Variants in IPO5 observed in about 807,000 individuals in gnomAD.
IPO5 encodes the protein importin 5.
IPO5 carries 18 observed loss-of-function variants against 143.3 expected under a neutral mutation model. That is an observed-to-expected ratio of 0.13 (90% CI 0.09 to 0.19). The LOEUF (loss-of-function observed/expected upper bound fraction) is 0.19. Among genes scored for constraint, IPO5 ranks in the 10% least tolerant of loss-of-function variants. The pLI is 1.00. For missense variants in IPO5, 1,013 were observed against 1,336.9 expected (o/e 0.76, Z 3.78); for synonymous variants, 477 against 465.7 (o/e 1.02, Z -0.31).
intron 4 of IPO5, among the ~76,000 whole-genome samples, chr13:97,980,507 ATT>A (rs1886749916): frequency 6.6e-6 from 1 of 152,162 alleles, no homozygotes; most frequent in South Asian, 2.1e-4. Context: ...CAGGATTTAT[ATT>A]AGGTTTTCTG....
At chr13:97,989,287 G>A in intron 7 of IPO5, 123 bp downstream of exon 7, 1 of 528,716 alleles carries the variant, frequency 1.9e-6, no homozygotes, top group Non-Finnish European at 3.2e-6. Context: ...CTTTACATAA[G>A]TTTTGTTTGT....
At chr13:98,004,760 A>C (rs1269165852) in intron 16 of IPO5, among the ~76,000 whole-genome samples, 6 of 152,160 alleles carry the variant, frequency 3.9e-5, no homozygotes, top group Admixed American at 3.9e-4. Flanking sequence ...CTTTCTCAAG[A>C]CATAGTTGAA....
chr13:97,995,639 C>T (rs1403502438), intron 11 of IPO5, among the ~76,000 whole-genome samples: 1 of 151,398 alleles, frequency 6.6e-6, no homozygotes, highest in Non-Finnish European at 1.5e-5. Flanking sequence ...GCCTGTAGTC[C>T]CAGCTTCTCG....
At chr13:97,974,309 CT>C (rs200747505) in intron 3 of IPO5, among the ~76,000 whole-genome samples, 290 of 138,996 alleles carry the variant, frequency 2.1e-3, no homozygotes, top group Middle Eastern at 3.7e-3. Context: ...GTCTGAAATT[CT>C]TTTTTTTTTT....
At chr13:97,988,250 C>G (rs1887536695) in intron 6 of IPO5, 1 of 153,782 alleles carries the variant, frequency 6.5e-6, no homozygotes, top group Non-Finnish European at 1.4e-5. Flanking sequence ...TAATAACATC[C>G]TCTGGCACTA....
At chr13:97,961,493 A>G (rs1013316969) in intron 2 of IPO5, among the ~76,000 whole-genome samples, 4 of 152,198 alleles carry the variant, frequency 2.6e-5, no homozygotes, top group Non-Finnish European at 4.4e-5. Context: ...CACCACACCC[A>G]GCTTATTCAG....
At chr13:97,977,036 C>A in intron 4 of IPO5, 1 of 203,264 alleles carries the variant, frequency 4.9e-6, no homozygotes, top group Non-Finnish European at 1.1e-5. Context: ...CGTGCGGCCG[C>A]TCCCGACGCG....
intron 25 of IPO5, among the ~76,000 whole-genome samples, chr13:98,017,350 CAAGA>C (rs1454345558): frequency 6.6e-6 from 1 of 151,330 alleles, no homozygotes; most frequent in African/African-American, 2.4e-5. Context: ...TTGTTTTTCT[CAAGA>C]TGGAGTCTTG....
chr13:98,000,463 G>A, intron 12 of IPO5, 76 bp from the exon 13 acceptor site: 1 of 911,572 alleles, frequency 1.1e-6, no homozygotes, highest in Non-Finnish European at 1.8e-6. Context: ...AATATGGTTA[G>A]AAGTATGTCT....
chr13:98,015,117 A>T (rs1036261942), intron 22 of IPO5, among the ~76,000 whole-genome samples: 4 of 152,076 alleles, frequency 2.6e-5, no homozygotes, highest in African/African-American at 9.7e-5. Context: ...GATTTTCCAA[A>T]GACAGCATGC....
Position 98,015,733 on chromosome 13 carries a change from A to G in IPO5, c.2445A>G (p.Arg815=). 6.2e-7 allele frequency: 1 copy of G among 1,610,954 alleles called. No individual in the cohort carries two copies. Among genetic ancestry groups the G allele is most frequent in the Non-Finnish European group, 8.5e-7 (1 of 1,177,838 alleles). ...TATTTGGGTGTGTTTTAGTTAAAAG[A>G]CAAGATGAAGACTATGATGAACAGG... ...FKNQELRQVK[R]QDEDYDEQVE... The change falls in exon 24 of 29, where the codon AGA becomes AGG. Residue 815 remains arginine (R), a synonymous_variant. Coordinates refer to ENST00000651721, the MANE Select transcript of IPO5 (RefSeq NM_002271.6).
chr13:97,999,529 A>G (rs190209474), intron 12 of IPO5, among the ~76,000 whole-genome samples: 5 of 152,356 alleles, frequency 3.3e-5, no homozygotes, highest in East Asian at 1.9e-4. Context: ...CAGCATAAAT[A>G]TATTTTCAGG....
intron 3 of IPO5, among the ~76,000 whole-genome samples, chr13:97,974,706 C>G (rs1317360826): frequency 6.7e-6 from 1 of 148,534 alleles, no homozygotes; most frequent in African/African-American, 2.5e-5. Flanking sequence ...AAATCAAAAT[C>G]AAACAAAAAA....
intron 28 of IPO5, 102 bp downstream of exon 28, chr13:98,021,235 A>T (rs1177530869): frequency 9.5e-7 from 1 of 1,048,784 alleles, no homozygotes; most frequent in African/African-American, 1.6e-5. Flanking sequence ...AAGGAATTTT[A>T]TTTTTATATT....
chr13:98,003,044 T>G lies in IPO5; in HGVS notation c.1497+7T>G. The stretch of plus-strand genomic sequence containing the variant: ...GGTACTGAAGCTTCAAGAGGTAAGT[T>G]TTAAGATCTGTAGGCTGCTTTCTGT... On this transcript the variant is annotated splice_region_variant and intron_variant, in intron 16 of 28. Coordinates refer to ENST00000651721, the MANE Select transcript of IPO5 (RefSeq NM_002271.6). The G allele has an allele frequency of 2.5e-6, 4 of 1,598,420 alleles. No individual in the cohort carries two copies. Among genetic ancestry groups the G allele is most frequent in the Non-Finnish European group, 3.4e-6 (4 of 1,172,626 alleles).
chr13:97,961,836 A>G (rs1039969535), intron 2 of IPO5, among the ~76,000 whole-genome samples: 6 of 152,200 alleles, frequency 3.9e-5, no homozygotes, highest in Admixed American at 1.3e-4. Flanking sequence ...CTTATAAGAC[A>G]TATGATTTGT....
intron 4 of IPO5, chr13:97,979,900 A>G: frequency 2.2e-6 from 1 of 456,746 alleles, no homozygotes; most frequent in Non-Finnish European, 4.4e-6. Flanking sequence ...GGGTGTTAAT[A>G]GATAAAAGTC....
chr13:98,012,718 G>A (rs139960695), intron 21 of IPO5, among the ~76,000 whole-genome samples: 6 of 151,884 alleles, frequency 4.0e-5, no homozygotes, highest in African/African-American at 1.4e-4. Context: ...CTGGAGTGCA[G>A]TGGCGTGATC....
At chr13:98,017,686 G>A (rs377380971) in intron 25 of IPO5, among the ~76,000 whole-genome samples, 1 of 152,156 alleles carries the variant, frequency 6.6e-6, no homozygotes, top group Admixed American at 6.6e-5. Context: ...GCCCCTGTGC[G>A]TGCATGGCCT....
Sources: allele counts gnomAD v4.1 joint callset (sites outside exome capture counted in the v4.1 genomes callset), GRCh38; gene constraint gnomAD v4.1.1; transcripts MANE v1.5; gene names NCBI Gene and HGNC (gene_info 2026-07-23, HGNC 2026-07-21).